The following EPCAM variants were observed in gnomAD, a reference collection of about 807,000 sequenced individuals.
EPCAM encodes epithelial cell adhesion molecule.
EPCAM carries 39 observed loss-of-function variants against 40.0 expected under a neutral mutation model. That is an observed-to-expected ratio of 0.98 (90% CI 0.76 to 1.27). The LOEUF is 1.27. EPCAM is among the 50% of genes most tolerant of loss of function. The pLI, the probability that EPCAM is intolerant of heterozygous loss-of-function variation, is 0.00. For missense variants in EPCAM, 503 were observed against 381.2 expected (o/e 1.32, Z -2.66); for synonymous variants, 168 against 132.3 (o/e 1.27, Z -1.85).
Position 47,379,688 on chromosome 2 carries a change from C to G in EPCAM, c.658-81C>G. The stretch of plus-strand genomic sequence containing the variant: ...AGATTCTTGGCAGCGGTTCTTTTGG[C>G]ATACAATTTGTATGTAATTATATGT... On this transcript the variant is annotated intron_variant, in intron 6 of 8. Coordinates refer to ENST00000263735, the MANE Select transcript of EPCAM (RefSeq NM_002354.3). 4 of 1,489,520 alleles carry G rather than the reference C, an allele frequency of 2.7e-6. No individual in the cohort carries two copies. In the South Asian group the frequency reaches 4.8e-5, roughly 18 times the overall value. 92.3% of individuals were successfully genotyped at this position (1,489,520 alleles called of 1,614,324 possible).
intron 8 of EPCAM, 94 bp from the exon 9 acceptor site, chr2:47,386,478 C>G (rs1433019981): frequency 2.1e-6 from 2 of 936,808 alleles, no homozygotes; most frequent in Non-Finnish European, 3.3e-6. Context: ...ATCTTGTGTT[C>G]CTTTAATTTC....
intron 1 of EPCAM, among the ~76,000 whole-genome samples, chr2:47,372,617 C>G (rs1042592292): frequency 6.6e-6 from 1 of 151,966 alleles, no homozygotes; most frequent in African/African-American, 2.4e-5. Flanking sequence ...ACTAAAAATA[C>G]AAAAATTAGC....
At chr2:47,371,826 T>A (rs921223510) in intron 1 of EPCAM, among the ~76,000 whole-genome samples, 5 of 152,168 alleles carry the variant, frequency 3.3e-5, no homozygotes, top group African/African-American at 1.2e-4. Flanking sequence ...TTAAAGGTGG[T>A]TCATATCGAC....
At position 47,371,280 on chromosome 2, in the gene EPCAM, A is replaced by C. The variant is rs113363403; in HGVS notation, c.76+1699A>C. The stretch of plus-strand genomic sequence containing the variant: ...GTCTCTCTCTCTCTCTTTTTTTTGG[A>C]AACAGTGTCTCCGTCTGTCGTTCAG... On this transcript the variant is annotated intron_variant, in intron 1 of 8. Transcript: ENST00000263735. Among the ~76,000 whole-genome samples the C allele has an allele frequency of 2.7e-3, 416 of 151,972 alleles. 3 individuals are homozygous for C. Among genetic ancestry groups the C allele is most frequent in the African/African-American group, 9.5e-3 (393 of 41,474 alleles).
intron 1 of EPCAM, among the ~76,000 whole-genome samples, chr2:47,372,946 C>A (rs569074598): frequency 6.6e-6 from 1 of 151,996 alleles, no homozygotes; most frequent in Non-Finnish European, 1.5e-5. Context: ...TGGCTCATGC[C>A]TGTAATCCCA....
Position 47,379,840 on chromosome 2 carries a change from T to A in EPCAM, c.729T>A (p.Asp243Glu), listed in dbSNP as rs864622420. 1.9e-6 allele frequency: 3 copies of A among 1,614,128 alleles called. No homozygotes were observed. The highest frequency in any genetic ancestry group is 2.5e-6 in the Non-Finnish European group (3 of 1,180,040). Residue 243 changes from aspartate (D) to glutamate (E), a missense_variant, in exon 7 of 9, where the codon GAT becomes GAA. Physicochemically the swap from Asp to Glu is conservative, Grantham distance 45 (BLOSUM62 2). Transcript: ENST00000263735. ...TAAATGGGGAACAACTGGATCTGGATCCTGGTCAAACTTTAATTTATTATG... is the reference window on the plus strand; with the variant it reads ...TAAATGGGGAACAACTGGATCTGGAACCTGGTCAAACTTTAATTTATTATG... ...LTVNGEQLDLDPGQTLIYYVD... is the reference protein window; with the variant it reads ...LTVNGEQLDLEPGQTLIYYVD...
intron 1 of EPCAM, among the ~76,000 whole-genome samples, chr2:47,370,739 A>G (rs1382346138): frequency 6.6e-6 from 1 of 150,668 alleles, no homozygotes. Flanking sequence ...TATTATTATT[A>G]TTATTTTTGA....
At chr2:47,386,519 C>A (rs1573407091) in intron 8 of EPCAM, 53 bp from the exon 9 acceptor site, 12 of 1,380,446 alleles carry the variant, frequency 8.7e-6, no homozygotes, top group South Asian at 1.3e-5. Flanking sequence ...TCAGAATGAA[C>A]AAAAGATTGA....
At chr2:47,372,430 G>C (rs766913386) in intron 1 of EPCAM, among the ~76,000 whole-genome samples, 1 of 151,888 alleles carries the variant, frequency 6.6e-6, no homozygotes, top group Non-Finnish European at 1.5e-5. Context: ...CTGAGGTCAG[G>C]AGTCCTAGAC....
chr2:47,377,326 T>C (rs1671452784), intron 5 of EPCAM, among the ~76,000 whole-genome samples: 2 of 152,086 alleles, frequency 1.3e-5, no homozygotes, highest in South Asian at 4.1e-4. Flanking sequence ...AACCTCTGCT[T>C]CCAAGGTTCA....
At chr2:47,381,360 C>G (rs1257357341) in intron 7 of EPCAM, among the ~76,000 whole-genome samples, 2 of 140,972 alleles carry the variant, frequency 1.4e-5, no homozygotes, top group African/African-American at 2.7e-5. Context: ...CCATTGCACT[C>G]CAGCCTGAGC....
intron 7 of EPCAM, among the ~76,000 whole-genome samples, chr2:47,384,865 C>G (rs909535264): frequency 6.6e-6 from 1 of 152,046 alleles, no homozygotes; most frequent in Non-Finnish European, 1.5e-5. Flanking sequence ...TGCCATGACA[C>G]CTGGCTAATT....
At position 47,382,663 on chromosome 2, in the gene EPCAM, G is replaced by A. The variant is rs555909897; in HGVS notation, c.859-2503G>A. 7.9e-5 allele frequency among the ~76,000 whole-genome samples: 12 copies of A among 152,288 alleles called. No homozygotes were observed. In the South Asian group the frequency reaches 2.1e-3, roughly 26 times the overall value. ...ATCATGTCATTGCACTCCAGCCTGG[G>A]CAACGAGAGCAAAACTCTGTCTCAA... is the stretch of plus-strand genomic sequence containing the variant. On this transcript the variant is annotated intron_variant, in intron 7 of 8. Coordinates refer to ENST00000263735, the MANE Select transcript of EPCAM (RefSeq NM_002354.3).
intron 4 of EPCAM, among the ~76,000 whole-genome samples, chr2:47,376,708 G>A (rs1477940955): frequency 1.3e-5 from 2 of 152,098 alleles, no homozygotes; most frequent in African/African-American, 2.4e-5. Flanking sequence ...TGGTTAAAGT[G>A]GTATCCACCA....
Position 47,375,707 on chromosome 2 carries a change from AT to A in EPCAM, c.491+425del, listed in dbSNP as rs35742854. Among the ~76,000 whole-genome samples, 637 of 143,398 alleles carry A rather than the reference AT, an allele frequency of 4.4e-3. No homozygotes were observed. In the Middle Eastern group the frequency reaches 0.046, roughly 10 times the overall value. 94.1% of individuals were successfully genotyped at this position (143,398 alleles called of 152,430 possible). ...TATACAACGATCAAATTTAGGAAAA[AT>A]TTTTTTTTTTTTTTTTAGACGGAGT... On this transcript the variant is annotated intron_variant, in intron 4 of 8. Coordinates refer to ENST00000263735, the MANE Select transcript of EPCAM (RefSeq NM_002354.3).
At position 47,386,593 on chromosome 2, in the gene EPCAM, C is replaced by T. The variant is rs562635733; in HGVS notation, c.925C>T (p.His309Tyr). Residue 309 changes from histidine (H) to tyrosine (Y), a missense_variant, in exon 9 of 9, where the codon CAT (histidine) becomes TAT (tyrosine). Transcript: ENST00000263735. ...KAEIKEMGEM[H>Y]RELNA is the part of the protein sequence containing the mutation. The stretch of plus-strand genomic sequence containing the variant: ...TCAGATAAAGGAGATGGGTGAGATG[C>T]ATAGGGAACTCAATGCATAACTATA... 1.9e-6 allele frequency: 3 copies of T among 1,606,582 alleles called. No individual in the cohort carries two copies. Among genetic ancestry groups the T allele is most frequent in the Admixed American group, 1.7e-5 (1 of 59,908 alleles).
At chr2:47,370,606 T>A (rs1243519507) in intron 1 of EPCAM, among the ~76,000 whole-genome samples, 1 of 152,018 alleles carries the variant, frequency 6.6e-6, no homozygotes, top group African/African-American at 2.4e-5. Flanking sequence ...ACAGCCTTGT[T>A]CTGTCACCCA....
intron 7 of EPCAM, among the ~76,000 whole-genome samples, chr2:47,384,182 C>T (rs974709304): frequency 4.2e-4 from 63 of 151,736 alleles, no homozygotes; most frequent in African/African-American, 1.5e-3. Flanking sequence ...TGGCTCACTG[C>T]AACCTCTGCC....
chr2:47,378,211 G>A (rs868300293), intron 5 of EPCAM, among the ~76,000 whole-genome samples: 11 of 151,732 alleles, frequency 7.2e-5, no homozygotes, highest in East Asian at 1.9e-4. Context: ...CAGCCTGGGC[G>A]ACACAGCAAG....
Sources: allele counts gnomAD v4.1 joint callset (sites outside exome capture counted in the v4.1 genomes callset), GRCh38; gene constraint gnomAD v4.1.1; transcripts MANE v1.5; gene names NCBI Gene and HGNC (gene_info 2026-07-23, HGNC 2026-07-21).